Variants in RBSN observed in about 807,000 individuals in gnomAD.
RBSN encodes the protein rabenosyn-5.
In RBSN, 34 loss-of-function variants were observed where a neutral mutation model predicts 60.5. The observed-to-expected ratio is 0.56, with a 90% CI of 0.43 to 0.75. RBSN has a LOEUF of 0.75. RBSN is among the 30% of genes least tolerant of loss of function. The pLI is 0.00. For synonymous variants in RBSN, 322 were observed against 366.9 expected (o/e 0.88, Z 1.40); for missense variants, 845 against 986.8 (o/e 0.86, Z 1.92).
chr3:15,080,336 A>C (rs2043172815), intron 10 of RBSN, among the ~76,000 whole-genome samples: 1 of 152,060 alleles, frequency 6.6e-6, no homozygotes, highest in Non-Finnish European at 1.5e-5. Context: ...GCCTGCTTTA[A>C]GCCCTGACAC....
At chr3:15,090,602 A>G in intron 4 of RBSN, 63 bp from the exon 5 acceptor site, 1 of 1,554,690 alleles carries the variant, frequency 6.4e-7, no homozygotes, top group Admixed American at 2.1e-5. Context: ...CAGTCAAAAG[A>G]AATCTCAAAA....
rs971656109 is a variant in RBSN at position 15,082,214 on chromosome 3, G to A, written c.840+153C>T. Among the ~76,000 whole-genome samples, 3 of 152,152 alleles carry A rather than the reference G, an allele frequency of 2.0e-5. No homozygotes were observed. Among genetic ancestry groups the A allele is most frequent in the African/African-American group, 4.8e-5 (2 of 41,434 alleles). ...TGACTCTGACTCACACAGGGCCCTAGCTGGGAAATCATAACATGGGCCTTT... is the reference window on the plus strand; with the variant it reads ...TGACTCTGACTCACACAGGGCCCTAACTGGGAAATCATAACATGGGCCTTT... On this transcript the variant is annotated intron_variant, in intron 9 of 13. Transcript: ENST00000253699. The surrounding 1 kb of genome is among the most constrained non-coding windows in gnomAD (Gnocchi z 4.2).
In RBSN at chr3:15,081,866, G is replaced by A. The variant is rs375322348; in HGVS notation, c.840+501C>T. 9.9e-5 allele frequency among the ~76,000 whole-genome samples: 15 copies of A among 152,282 alleles called. No individual in the cohort carries two copies. In the East Asian group the frequency reaches 2.1e-3, roughly 22 times the overall value. On this transcript the variant is annotated intron_variant, in intron 9 of 13. Coordinates refer to ENST00000253699, the MANE Select transcript of RBSN (RefSeq NM_022340.4). ...CTCTCAGAGTATGCATCTAGTAGGG[G>A]GGCTGTGGGATCACTCAAGTAACGA... is the stretch of plus-strand genomic sequence containing the variant.
rs980943360 is a variant in RBSN, at chr3:15,073,056, A to C, written c.*726T>G. ...AAAGCTCAGGACCAGATTCACATTG[A>C]TACCCTGCACTGGGAGCTTAACTTC... On this transcript the variant is annotated 3_prime_UTR_variant, in exon 14 of 14. Coordinates refer to ENST00000253699, the MANE Select transcript of RBSN (RefSeq NM_022340.4). 1 of 152,242 alleles carries C rather than the reference A, an allele frequency of 6.6e-6. No homozygotes were observed. The highest frequency in any genetic ancestry group is 1.5e-5 in the Non-Finnish European group (1 of 68,058). The allele number at this position is 152,242 out of a possible 1,614,324, so 9.4% of individuals were successfully genotyped here.
At chr3:15,090,739 A>T (rs2043490893) in intron 4 of RBSN, among the ~76,000 whole-genome samples, 200 bp from the exon 5 acceptor site, 1 of 152,230 alleles carries the variant, frequency 6.6e-6, no homozygotes, top group African/African-American at 2.4e-5. Context: ...TACACTAGTT[A>T]ATCAATATTA....
chr3:15,098,625 A>T (rs2043738923), intron 1 of RBSN, among the ~76,000 whole-genome samples: 1 of 152,130 alleles, frequency 6.6e-6, no homozygotes, highest in African/African-American at 2.4e-5. Context: ...TTATACACAC[A>T]TCGCATGACC....
chr3:15,090,070 G>T (rs2043469898), intron 5 of RBSN, among the ~76,000 whole-genome samples: 1 of 152,106 alleles, frequency 6.6e-6, no homozygotes, highest in African/African-American at 2.4e-5. Flanking sequence ...ATCATTAATG[G>T]ACTCTATGCC....
At chr3:15,096,349 T>C in intron 3 of RBSN, 61 bp from the exon 4 acceptor site, 1 of 439,822 alleles carries the variant, frequency 2.3e-6, no homozygotes, top group Non-Finnish European at 4.0e-6. Context: ...CAATTGAGGA[T>C]TTTCTTCATT....
chr3:15,090,064 T>C (rs1338077308), intron 5 of RBSN, among the ~76,000 whole-genome samples: 1 of 152,178 alleles, frequency 6.6e-6, no homozygotes, highest in African/African-American at 2.4e-5. Context: ...GAAAGAATCA[T>C]TAATGGACTC....
chr3:15,077,044 A>C lies in RBSN; in HGVS notation c.1101+18T>G, dbSNP rs1559341427. The C allele has an allele frequency of 6.2e-7, 1 of 1,612,698 alleles. No individual in the cohort carries two copies. Among genetic ancestry groups the C allele is most frequent in the East Asian group, 2.2e-5 (1 of 44,876 alleles). ...ACAGGCCAAGTGCAACATTTATGCC[A>C]ACCCAGGATGGCTTTACCTGCACAA... On this transcript the variant is annotated intron_variant, in intron 12 of 13. Transcript: ENST00000253699. The surrounding 1 kb of genome is among the most constrained non-coding windows in gnomAD (Gnocchi z 4.4).
chr3:15,078,109 CT>C lies in RBSN; in HGVS notation c.963del (p.Val322CysfsTer7). 5.6e-6 allele frequency: 9 copies of C among 1,614,128 alleles called. No homozygotes were observed. The highest frequency in any genetic ancestry group is 1.3e-5 in the African/African-American group (1 of 75,038). On this transcript the variant is annotated frameshift_variant, in exon 11 of 14. Transcript: ENST00000253699. LOFTEE classifies it high-confidence loss of function. ...SLEHASDLRV[E>X]VQKVYELIDA... ...TCTATCAGCTCATACACTTTCTGCA[CT>C]TCCACTCGAAGGTCACTGGCATGTT...
In RBSN at chr3:15,082,300, G is replaced by T; in HGVS notation, c.840+67C>A. On this transcript the variant is annotated intron_variant, in intron 9 of 13. Coordinates refer to ENST00000253699, the MANE Select transcript of RBSN (RefSeq NM_022340.4). The surrounding 1 kb of genome is among the most constrained non-coding windows in gnomAD (Gnocchi z 4.2). ...CCAAAGCATTCTCCAGAATCTGCAG[G>T]AGTGTACATAACAAACAGCCAAATC... The T allele has an allele frequency of 6.4e-7, 1 of 1,569,456 alleles. No homozygotes were observed. The highest frequency in any genetic ancestry group is 1.7e-5 in the Admixed American group (1 of 58,954).
rs1333667957 is a variant in RBSN at position 15,082,649 on chromosome 3, C to G, written c.599-41G>C. Reference sequence around the variant, plus strand: ...CAACAGGCAGCAATGACCCCCACAGCATCCAATTACCATACCCACGACCTC... The same window carrying G: ...CAACAGGCAGCAATGACCCCCACAGGATCCAATTACCATACCCACGACCTC... On this transcript the variant is annotated intron_variant, in intron 8 of 13. Transcript: ENST00000253699. This position sits in a 1 kb window ranked among gnomAD's most constrained non-coding sequence, Gnocchi z 4.2. The G allele has an allele frequency of 6.2e-7, 1 of 1,602,874 alleles. No homozygotes were observed. The highest frequency in any genetic ancestry group is 1.7e-5 in the Admixed American group (1 of 58,974).
intron 8 of RBSN, among the ~76,000 whole-genome samples, chr3:15,083,903 A>G (rs555825872): frequency 1.3e-5 from 2 of 152,276 alleles, no homozygotes; most frequent in East Asian, 1.9e-4. Flanking sequence ...AGTTCCTGAC[A>G]GTCTCTTTCA....
In RBSN at chr3:15,084,842, G is replaced by A; in HGVS notation, c.491C>T (p.Pro164Leu). Residue 164 changes from proline (P) to leucine (L), a missense_variant, in exon 8 of 14, where the codon CCA becomes CTA. By Grantham distance (98) the Pro-to-Leu change is moderately conservative. Transcript: ENST00000253699. This position sits in a 1 kb window ranked among gnomAD's most constrained non-coding sequence, Gnocchi z 4.2. ...GATGCTGAACTTATTCCCACAGTCT[G>A]GACAGAAAGGGACATCCTGGTCGTT... ...WVNDQDVPFC[P>L]DCGNKFSIRN... 1 of 1,614,164 alleles carries A rather than the reference G, an allele frequency of 6.2e-7. No individual in the cohort carries two copies. Among genetic ancestry groups the A allele is most frequent in the East Asian group, 2.2e-5 (1 of 44,888 alleles).
chr3:15,087,809 C>G (rs1331716503), intron 5 of RBSN, among the ~76,000 whole-genome samples: 1 of 152,048 alleles, frequency 6.6e-6, no homozygotes, highest in Non-Finnish European at 1.5e-5. Context: ...TTAGTAGAGA[C>G]AGGGTCTCAC....
intron 5 of RBSN, 115 bp downstream of exon 5, chr3:15,090,281 TGAG>T (rs1387679860): frequency 8.1e-6 from 9 of 1,117,184 alleles, no homozygotes; most frequent in Non-Finnish European, 1.1e-5. Context: ...ATAAGGTCCA[TGAG>T]AAGCTTAGAC....
At chr3:15,097,267 C>T (rs2043685184) in intron 2 of RBSN, among the ~76,000 whole-genome samples, 1 of 152,202 alleles carries the variant, frequency 6.6e-6, no homozygotes, top group African/African-American at 2.4e-5. Flanking sequence ...GTAATCCCAG[C>T]ACTTTGGGAG....
intron 5 of RBSN, among the ~76,000 whole-genome samples, chr3:15,089,613 C>T (rs1317810912): frequency 6.3e-5 from 9 of 143,924 alleles, no homozygotes; most frequent in Non-Finnish European, 1.4e-4. Context: ...ATTTTCTTTT[C>T]TTTTTTTTTT....
Sources: gnomAD v4.1 joint callset for allele counts (sites outside exome capture counted in the v4.1 genomes callset) on GRCh38, gnomAD v4.1.1 for gene constraint, Gnocchi (gnomAD v3.1) non-coding constraint, MANE v1.5 for transcripts, NCBI Gene and HGNC (gene_info 2026-07-23, HGNC 2026-07-21) for gene names.